The following TAF4B variants were observed in gnomAD, a reference collection of about 807,000 sequenced individuals.
TAF4B encodes transcription initiation factor TFIID subunit 4B.
Under a neutral mutation model 86.4 loss-of-function variants are expected in TAF4B, and 38 were observed. The observed-to-expected ratio is 0.44, with a 90% confidence interval of 0.34 to 0.58. The LOEUF (loss-of-function observed/expected upper bound fraction) is 0.58. Among genes scored for constraint, TAF4B ranks in the 20% least tolerant of loss-of-function variants. The pLI is 0.02. For synonymous variants in TAF4B, 388 were observed against 391.2 expected (o/e 0.99, Z 0.10); for missense variants, 988 against 1,027.6 (o/e 0.96, Z 0.53).
intron 12 of TAF4B, among the ~76,000 whole-genome samples, chr18:26,331,456 G>T (rs2057049623): frequency 6.6e-6 from 1 of 151,324 alleles, no homozygotes; most frequent in Non-Finnish European, 1.5e-5. Context: ...TGAAAATCTG[G>T]ACTCATACCA....
intron 5 of TAF4B, among the ~76,000 whole-genome samples, chr18:26,277,614 T>C (rs1288127258): frequency 6.6e-6 from 1 of 152,110 alleles, no homozygotes; most frequent in Non-Finnish European, 1.5e-5. Context: ...TTGGAGAATA[T>C]CTGGTCTTGT....
intron 14 of TAF4B, among the ~76,000 whole-genome samples, chr18:26,374,065 T>G (rs1259019102): frequency 6.6e-6 from 1 of 152,128 alleles, no homozygotes; most frequent in Non-Finnish European, 1.5e-5. Context: ...CTCACAGAAT[T>G]TAAGATTCCC....
rs1201322951 is a variant in TAF4B, at chr18:26,285,973, C to T, written c.1064C>T (p.Ala355Val). The part of the protein sequence containing the change: ...VQQTSSDMVI[A>V]TCTTTVTTSP... ...CAGACTTCTAGTGACATGGTCATTG[C>T]TACCTGTACTACAACAGTAACAACT... The change falls in exon 7 of 15, where the codon GCT (alanine) becomes GTT (valine). Residue 355 changes from alanine to valine, a missense_variant. By Grantham distance (64) the Ala-to-Val change is moderately conservative. This residue lies in a region of TAF4B where 747 missense variants were observed against 737.9 expected (regional missense o/e 1.01). Coordinates refer to ENST00000269142, the MANE Select transcript of TAF4B (RefSeq NM_005640.3). 6 of 1,614,202 alleles carry T rather than the reference C, an allele frequency of 3.7e-6. No individual in the cohort carries two copies. Among genetic ancestry groups the T allele is most frequent in the Middle Eastern group, 1.6e-4 (1 of 6,062 alleles).
At chr18:26,346,438 T>C (rs1204861112) in intron 13 of TAF4B, among the ~76,000 whole-genome samples, 1 of 148,990 alleles carries the variant, frequency 6.7e-6, no homozygotes, top group African/African-American at 2.5e-5. Context: ...AGAAAACATA[T>C]TTAATGAAAT....
chr18:26,261,479 C>T (rs959697077), intron 1 of TAF4B, among the ~76,000 whole-genome samples: 4 of 152,298 alleles, frequency 2.6e-5, no homozygotes, highest in East Asian at 1.9e-4. Flanking sequence ...GGATTACAGG[C>T]GTGAGCCACT....
chr18:26,315,916 A>G (rs1015260520), intron 10 of TAF4B, among the ~76,000 whole-genome samples: 1 of 152,146 alleles, frequency 6.6e-6, no homozygotes, highest in South Asian at 2.1e-4. Flanking sequence ...AATGTAAGAA[A>G]ACACGGCCAG....
chr18:26,276,449 G>A (rs1428801229), intron 5 of TAF4B, among the ~76,000 whole-genome samples: 7 of 152,092 alleles, frequency 4.6e-5, no homozygotes, highest in Admixed American at 3.9e-4. Flanking sequence ...CTCTCACCAC[G>A]TAATTAGAAT....
At chr18:26,329,893 C>G (rs1321593787) in intron 12 of TAF4B, among the ~76,000 whole-genome samples, 1 of 152,106 alleles carries the variant, frequency 6.6e-6, no homozygotes, top group Non-Finnish European at 1.5e-5. Flanking sequence ...CAGCCTTGGC[C>G]TCTTGGGCTT....
intron 7 of TAF4B, among the ~76,000 whole-genome samples, chr18:26,291,371 T>TA (rs1256670715): frequency 6.6e-6 from 1 of 151,960 alleles, no homozygotes; most frequent in African/African-American, 2.4e-5. Flanking sequence ...AGCGATGGTC[T>TA]AAGAAAATAC....
chr18:26,391,384 G>C lies in TAF4B; in HGVS notation c.*1372G>C, dbSNP rs970020634. Reference sequence around the variant, plus strand: ...AAGGAAAAAAAAAAAAACACCTCACGTATGTTATTCTTCATCCTGTTCTTC... The same window carrying C: ...AAGGAAAAAAAAAAAAACACCTCACCTATGTTATTCTTCATCCTGTTCTTC... On this transcript the variant is annotated 3_prime_UTR_variant, in exon 15 of 15. Coordinates refer to ENST00000269142, the MANE Select transcript of TAF4B (RefSeq NM_005640.3). The C allele has an allele frequency of 6.7e-6, 1 of 149,766 alleles. No homozygotes were observed. Among genetic ancestry groups the C allele is most frequent in the African/African-American group, 2.5e-5 (1 of 40,792 alleles). The allele number at this position is 149,766 out of a possible 1,614,324, so 9.3% of individuals were successfully genotyped here. A position where few individuals can be genotyped will look rare whatever the true frequency, so the allele number is the denominator to read the frequency against.
Position 26,325,349 on chromosome 18 carries a change from G to T in TAF4B, c.2134-1666G>T, listed in dbSNP as rs114757928. Among the ~76,000 whole-genome samples, 502 of 152,316 alleles carry T rather than the reference G, an allele frequency of 3.3e-3. 2 individuals are homozygous for T. The highest frequency in any genetic ancestry group is 0.011 in the African/African-American group (474 of 41,566). On this transcript the variant is annotated intron_variant, in intron 11 of 14. Transcript: ENST00000269142. Reference sequence around the variant, plus strand: ...TTTTCTTGGCTAAACCATTTAATATGCAGTGGCCTTAACATTGTAAAGCCC... The same window carrying T: ...TTTTCTTGGCTAAACCATTTAATATTCAGTGGCCTTAACATTGTAAAGCCC...
intron 1 of TAF4B, among the ~76,000 whole-genome samples, chr18:26,257,062 AT>A (rs1350438404): frequency 6.6e-6 from 1 of 152,122 alleles, no homozygotes; most frequent in Admixed American, 6.5e-5. Flanking sequence ...TAAGAATGCT[AT>A]TGTTGTTAGG....
intron 14 of TAF4B, among the ~76,000 whole-genome samples, chr18:26,381,546 G>T (rs1039326772): frequency 6.6e-6 from 1 of 151,734 alleles, no homozygotes; most frequent in Admixed American, 6.6e-5. Context: ...GACCAACATG[G>T]AGAAACCCCA....
At chr18:26,357,839 C>G (rs1242467777) in intron 14 of TAF4B, 45 bp downstream of exon 14, 1 of 1,455,910 alleles carries the variant, frequency 6.9e-7, no homozygotes, top group Non-Finnish European at 9.5e-7. Context: ...GTCAAGAAAG[C>G]AAGCCAAAAA....
At chr18:26,316,237 T>C (rs2056910461) in intron 10 of TAF4B, among the ~76,000 whole-genome samples, 1 of 152,178 alleles carries the variant, frequency 6.6e-6, no homozygotes, top group Admixed American at 6.5e-5. Context: ...TACAAAAACG[T>C]GAAGGTTTCG....
At chr18:26,237,524 T>A (rs1433410065) in intron 1 of TAF4B, among the ~76,000 whole-genome samples, 1 of 152,040 alleles carries the variant, frequency 6.6e-6, no homozygotes, top group Non-Finnish European at 1.5e-5. Flanking sequence ...TCTTGCTTGT[T>A]TCCTTCTGGG....
intron 13 of TAF4B, among the ~76,000 whole-genome samples, chr18:26,346,827 ATATATATATGTG>A (rs1567913917): frequency 6.9e-4 from 18 of 25,930 alleles, no homozygotes; most frequent in East Asian, 4.9e-3. Context: ...GTGTGTGTAT[ATATATATATGTG>A]TGTGTGTATA....
chr18:26,227,420 G>A (rs779078710), intron 1 of TAF4B, 144 bp downstream of exon 1: 1 of 722,362 alleles, frequency 1.4e-6, no homozygotes, highest in African/African-American at 1.9e-5. Flanking sequence ...TTCTTTTTGT[G>A]TCATTACTAC....
chr18:26,251,141 A>G (rs1214803449), intron 1 of TAF4B, among the ~76,000 whole-genome samples: 1 of 152,190 alleles, frequency 6.6e-6, no homozygotes, highest in Non-Finnish European at 1.5e-5. Context: ...TGGTTGCAGA[A>G]GGTACCCTCA....
Sources: allele counts gnomAD v4.1 joint callset (sites outside exome capture counted in the v4.1 genomes callset), GRCh38; gene constraint gnomAD v4.1.1; regional missense constraint gnomAD v4.1.1; transcripts MANE v1.5; gene names NCBI Gene and HGNC (gene_info 2026-07-23, HGNC 2026-07-21).